TLE6: variants seen among roughly 807,000 people sequenced by gnomAD.
The protein encoded by TLE6 is TLE family member 6, subcortical maternal complex member, also known as transducin-like enhancer protein 6.
Under a neutral mutation model 77.1 loss-of-function variants are expected in TLE6, and 72 were observed. That is an observed-to-expected ratio of 0.93 (90% CI 0.77 to 1.14). The LOEUF (loss-of-function observed/expected upper bound fraction) is 1.14, where lower values mean the gene tolerates loss of function less well. Among genes scored for constraint, TLE6 ranks in the 50% most tolerant of loss-of-function variants. The pLI is 0.00. For missense variants in TLE6, 843 were observed against 747.6 expected, an observed-to-expected ratio of 1.13 and a Z score of -1.49; for synonymous variants, 366 against 287.3, an observed-to-expected ratio of 1.27 and a Z score of -2.77.
intron 2 of TLE6, 68 bp from the exon 3 acceptor site, chr19:2,980,032 G>A (rs1462723390): frequency 6.2e-6 from 8 of 1,292,992 alleles, no homozygotes; most frequent in Non-Finnish European, 8.7e-6. Flanking sequence ...CCATGTTGAG[G>A]TGGAGACCGG....
upstream of TLE6, chr19:2,977,498 GGGCGGGGACAAGGCGGGACGA>G (rs2088699782): frequency 6.6e-6 from 1 of 152,456 alleles, no homozygotes; most frequent in African/African-American, 2.4e-5. Context: ...GGGCGGGACG[GGGCGGGGACAAGGCGGGACGA>G]GGCGGGGCCC....
At position 2,981,033 on chromosome 19, in the gene TLE6, A is replaced by G. The variant is rs529904351; in HGVS notation, c.135-505A>G. Among the ~76,000 whole-genome samples, 12 of 150,790 alleles carry G rather than the reference A, an allele frequency of 8.0e-5. No individual in the cohort carries two copies. The East Asian group carries it at 2.4e-3, about 30-fold the overall frequency. ...ACCACTGCACCCTAGCCCGGGCAAC[A>G]GGGTGAGATTCTGTTTAAAAAAAAA... On this transcript the variant is annotated intron_variant, in intron 3 of 16. Coordinates refer to ENST00000246112, the MANE Select transcript of TLE6 (RefSeq NM_001143986.2).
rs886927786 is a variant in TLE6 at position 2,981,545 on chromosome 19, C to T, written c.142C>T (p.Pro48Ser). 1.3e-6 allele frequency: 2 copies of T among 1,550,050 alleles called. No homozygotes were observed. The highest frequency in any genetic ancestry group is 1.7e-6 in the Non-Finnish European group (2 of 1,145,622). ...NRLKQFPRFS[P>S]HFAAELESIY... is the part of the protein sequence containing the mutation. ...GTCCTCCTTCCCCCTCAGGTTTTCT[C>T]CTCATTTTGCTGCGGAGTTGGAGAG... The change falls in exon 4 of 17, where the codon CCT becomes TCT. Residue 48 changes from proline (P) to serine (S), a missense_variant. Transcript: ENST00000246112.
At chr19:2,984,407 A>T (rs1196144313) in intron 5 of TLE6, 3 of 148,272 alleles carry the variant, frequency 2.0e-5, no homozygotes, top group Non-Finnish European at 4.4e-5. Context: ...CCGTCCTGCT[A>T]AGGAAACAGA....
In TLE6 at chr19:2,994,025, G is replaced by A. The variant is rs2089150428; in HGVS notation, c.1544G>A (p.Trp515Ter). The change falls in exon 16 of 17, where the codon TGG becomes TAG. Residue 515 changes from tryptophan (W) to a stop codon, truncating the protein, a stop_gained. Coordinates refer to ENST00000246112, the MANE Select transcript of TLE6 (RefSeq NM_001143986.2). LOFTEE classifies it high-confidence loss of function. ...GATGCTCCATTTCTCCCAGGCCAGT[G>A]GTGGGCAAGCGTTGGAATGGACGAC... The part of the protein sequence containing the change: ...LSVKFSPFGQ[W>*]WASVGMDDFL... The A allele has an allele frequency of 1.2e-6, 2 of 1,605,080 alleles. No individual in the cohort carries two copies. Among genetic ancestry groups the A allele is most frequent in the Non-Finnish European group, 1.7e-6 (2 of 1,176,650 alleles).
chr19:2,993,138 G>A (rs1299862871), intron 14 of TLE6, among the ~76,000 whole-genome samples: 5 of 151,648 alleles, frequency 3.3e-5, no homozygotes, highest in African/African-American at 1.2e-4. Context: ...TTAAACCCCA[G>A]GAGGCAGACG....
chr19:2,992,569 G>GT (rs1300053217), intron 14 of TLE6, among the ~76,000 whole-genome samples: 1 of 151,718 alleles, frequency 6.6e-6, no homozygotes, highest in Non-Finnish European at 1.5e-5. Context: ...CCAGGAGTTT[G>GT]AGACCAGCCT....
chr19:2,979,165 G>C lies in TLE6; in HGVS notation c.51+881G>C, dbSNP rs146663097. On this transcript the variant is annotated intron_variant, in intron 2 of 16. Transcript: ENST00000246112. ...GACTGGGTTTCACCATGTTGGCCAG[G>C]CTGGTCTCGAGCTCCTGACCTCGTG... 8.9e-3 allele frequency among the ~76,000 whole-genome samples: 1,348 copies of C among 152,066 alleles called. 21 individuals are homozygous for C. The highest frequency in any genetic ancestry group is 0.031 in the African/African-American group (1,273 of 41,492).
intron 4 of TLE6, 92 bp downstream of exon 4, chr19:2,981,675 G>C: frequency 1.5e-6 from 2 of 1,373,516 alleles, no homozygotes; most frequent in Admixed American, 2.0e-5. Flanking sequence ...GAGTGCCCTA[G>C]AGAGGTTCTT....
intron 5 of TLE6, among the ~76,000 whole-genome samples, chr19:2,982,972 C>A (rs924618421): frequency 1.8e-4 from 27 of 152,196 alleles, no homozygotes; most frequent in Admixed American, 6.5e-4. Context: ...GGCGCCCGGG[C>A]TCCCATCTCC....
At chr19:2,991,101 T>C (rs1390821566) in intron 13 of TLE6, among the ~76,000 whole-genome samples, 1 of 149,236 alleles carries the variant, frequency 6.7e-6, no homozygotes, top group East Asian at 2.0e-4. Flanking sequence ...TGGTGGCTCA[T>C]GCCTGTAATC....
chr19:2,994,103 G>A lies in TLE6; in HGVS notation c.1614+8G>A, dbSNP rs375566476. The A allele has an allele frequency of 2.7e-5, 41 of 1,509,998 alleles. No homozygotes were observed. Among genetic ancestry groups the A allele is most frequent in the Middle Eastern group, 1.9e-4 (1 of 5,346 alleles). 93.5% of individuals were successfully genotyped at this position (1,509,998 alleles called of 1,614,324 possible). On this transcript the variant is annotated splice_region_variant and intron_variant, in intron 16 of 16. Coordinates refer to ENST00000246112, the MANE Select transcript of TLE6 (RefSeq NM_001143986.2). ...GGGACAAAAGTGTTCGAGGTACTGC[G>A]GTGGGCTGGGGGCAGGACCCGGGGG... is the stretch of plus-strand genomic sequence containing the variant.
At chr19:2,978,519 G>A (rs1316247112) in intron 2 of TLE6, among the ~76,000 whole-genome samples, 1 of 152,168 alleles carries the variant, frequency 6.6e-6, no homozygotes, top group African/African-American at 2.4e-5. Flanking sequence ...GGAGGCCGAG[G>A]CAGGAGGACC....
intron 14 of TLE6, among the ~76,000 whole-genome samples, chr19:2,993,045 A>G (rs1265964766): frequency 6.7e-6 from 1 of 150,152 alleles, no homozygotes; most frequent in South Asian, 2.1e-4. Flanking sequence ...AAAAAAAAAA[A>G]AAAAAAAACA....
At chr19:2,991,718 G>C (rs2089069603) in intron 13 of TLE6, 125 bp from the exon 14 acceptor site, 2 of 889,818 alleles carry the variant, frequency 2.2e-6, no homozygotes, top group East Asian at 5.2e-5. Flanking sequence ...TTGACACTCT[G>C]TGCAGGCAGA....
intron 13 of TLE6, 122 bp downstream of exon 13, chr19:2,989,907 C>T: frequency 7.4e-7 from 1 of 1,358,888 alleles, no homozygotes; most frequent in South Asian, 1.4e-5. Context: ...GGATATAGCA[C>T]TCTCCCAGCC....
At chr19:2,993,328 G>C (rs1255267008) in intron 14 of TLE6, 104 bp from the exon 15 acceptor site, 1 of 1,245,530 alleles carries the variant, frequency 8.0e-7, no homozygotes, top group South Asian at 1.6e-5. Flanking sequence ...GCTAGGAAGG[G>C]GTCAGTCACC....
At position 2,987,386 on chromosome 19, in the gene TLE6, C is replaced by T. The variant is rs1353259683; in HGVS notation, c.558+14C>T. The T allele has an allele frequency of 5.0e-6, 8 of 1,613,338 alleles. No homozygotes were observed. The highest frequency in any genetic ancestry group is 5.9e-6 in the Non-Finnish European group (7 of 1,180,018). On this transcript the variant is annotated intron_variant, in intron 8 of 16. Transcript: ENST00000246112. ...GCACCAGGCCTGGTGAGTAAACAACCTCAGCTCTATCCAGAGGGGTGGGCT... is the reference window on the plus strand; with the variant it reads ...GCACCAGGCCTGGTGAGTAAACAACTTCAGCTCTATCCAGAGGGGTGGGCT...
intron 1 of TLE6, 78 bp from the exon 2 acceptor site, chr19:2,978,119 TG>T: frequency 1.9e-6 from 2 of 1,046,716 alleles, no homozygotes; most frequent in Non-Finnish European, 1.4e-6. Flanking sequence ...GAGGTGCGGG[TG>T]GGGTAACGGG....
Sources: gnomAD v4.1 joint callset for allele counts (sites outside exome capture counted in the v4.1 genomes callset) on GRCh38, gnomAD v4.1.1 for gene constraint, MANE v1.5 for transcripts, NCBI Gene and HGNC (gene_info 2026-07-23, HGNC 2026-07-21) for gene names.